The following ZNRF1 variants were observed in gnomAD, a reference collection of about 807,000 sequenced individuals.
The protein encoded by ZNRF1 is zinc and ring finger 1, also known as E3 ubiquitin-protein ligase ZNRF1.
Under a neutral mutation model 18.4 loss-of-function variants are expected in ZNRF1, and 3 were observed. That is an observed-to-expected ratio of 0.16 (90% CI 0.07 to 0.42). ZNRF1 has a LOEUF of 0.42. Among genes scored for constraint, ZNRF1 ranks in the 10% least tolerant of loss-of-function variants. The probability of loss-of-function intolerance (pLI) is 0.99; values close to 1 mark genes in which losing one functional copy is unlikely to be tolerated. For missense variants in ZNRF1, 310 were observed against 329.8 expected (o/e 0.94, Z 0.47); for synonymous variants, 157 against 144.2 (o/e 1.09, Z -0.64).
intron 2 of ZNRF1, among the ~76,000 whole-genome samples, chr16:75,098,489 G>A (rs1597909529): frequency 6.6e-6 from 1 of 152,222 alleles, no homozygotes; most frequent in East Asian, 1.9e-4. Context: ...CTCTGCTCAA[G>A]GTCACCCTGT....
chr16:75,093,548 T>C (rs1300870218), intron 1 of ZNRF1, 24 bp from the exon 2 acceptor site: 1 of 1,585,874 alleles, frequency 6.3e-7, no homozygotes, highest in African/African-American at 1.3e-5. Flanking sequence ...AGAAAACATT[T>C]CATCCCATTC....
rs146902791 is a variant in ZNRF1, at chr16:75,073,146, C to CTCTCTCTCTCTCTCTCTG, written c.425-20419_425-20418insCTCTCTCTCTGTCTCTCT. On this transcript the variant is annotated intron_variant, in intron 1 of 4. Coordinates refer to ENST00000335325, the MANE Select transcript of ZNRF1 (RefSeq NM_032268.5). The stretch of plus-strand genomic sequence containing the variant: ...TCTCTCTCTCTCTCTCTCTCTCTCT[C>CTCTCTCTCTCTCTCTCTG]TCTCTCTGTCTCTCTGTCTATATAT... Among the ~76,000 whole-genome samples, 144 of 128,718 alleles carry CTCTCTCTCTCTCTCTCTG rather than the reference C, an allele frequency of 1.1e-3. 1 individual carries two copies. Among genetic ancestry groups the CTCTCTCTCTCTCTCTCTG allele is most frequent in the Admixed American group, 2.2e-3 (27 of 12,364 alleles). 84.4% of individuals were successfully genotyped at this position (128,718 alleles called of 152,430 possible).
chr16:75,061,566 C>A (rs1446722254), intron 1 of ZNRF1, among the ~76,000 whole-genome samples: 2 of 150,456 alleles, frequency 1.3e-5, no homozygotes, highest in African/African-American at 4.9e-5. Context: ...CTGGATCTCA[C>A]TCGTTTTTAT....
intron 1 of ZNRF1, among the ~76,000 whole-genome samples, chr16:75,012,156 C>T (rs1488301568): frequency 1.3e-5 from 2 of 152,186 alleles, no homozygotes; most frequent in African/African-American, 4.8e-5. Flanking sequence ...TGGTGCTTTC[C>T]ATGCTGACAC....
At chr16:75,037,573 A>G (rs2035391832) in intron 1 of ZNRF1, among the ~76,000 whole-genome samples, 2 of 152,132 alleles carry the variant, frequency 1.3e-5, no homozygotes, top group Non-Finnish European at 2.9e-5. Flanking sequence ...TCCTGACCTC[A>G]GGTGATCTGC....
intron 1 of ZNRF1, among the ~76,000 whole-genome samples, chr16:75,012,066 G>C (rs563612391): frequency 8.5e-5 from 13 of 152,214 alleles, no homozygotes; most frequent in Non-Finnish European, 1.8e-4. Context: ...TTTGGTAGCT[G>C]TTGGGGGAGG....
intron 1 of ZNRF1, among the ~76,000 whole-genome samples, chr16:75,026,892 G>T (rs1351235470): frequency 6.9e-6 from 1 of 144,916 alleles, no homozygotes; most frequent in African/African-American, 2.6e-5. Context: ...GCAACAGAAT[G>T]AGACTGTCTC....
intron 1 of ZNRF1, among the ~76,000 whole-genome samples, chr16:75,058,123 A>T (rs4531753): frequency 0.022 from 2,868 of 132,114 alleles, 48 homozygotes; most frequent in Non-Finnish European, 0.033. Context: ...TTTTTTTTTT[A>T]AATATTTTAT....
At chr16:75,098,559 G>A (rs985312105) in intron 2 of ZNRF1, among the ~76,000 whole-genome samples, 5 of 152,344 alleles carry the variant, frequency 3.3e-5, no homozygotes, top group South Asian at 2.1e-4. Flanking sequence ...GCCTGGCATG[G>A]GTGGCACTGC....
chr16:75,045,324 G>C lies in ZNRF1; in HGVS notation c.424+45229G>C, dbSNP rs117964037. Among the ~76,000 whole-genome samples the C allele has an allele frequency of 8.0e-3, 1,211 of 152,224 alleles. 7 individuals carry two copies. Among genetic ancestry groups the C allele is most frequent in the Admixed American group, 0.014 (215 of 15,278 alleles). On this transcript the variant is annotated intron_variant, in intron 1 of 4. Transcript: ENST00000335325. Reference sequence around the variant, plus strand: ...TTTTGCATTTGCATTATGGTTTTTTGTTAGGTGCTCTTGACCATTTTTTTT... The same window carrying C: ...TTTTGCATTTGCATTATGGTTTTTTCTTAGGTGCTCTTGACCATTTTTTTT...
chr16:75,090,991 T>A (rs753889232), intron 1 of ZNRF1, among the ~76,000 whole-genome samples: 7 of 152,128 alleles, frequency 4.6e-5, no homozygotes, highest in Non-Finnish European at 1.0e-4. Context: ...GCTCAAGTGA[T>A]TTCCCCACCT....
intron 1 of ZNRF1, among the ~76,000 whole-genome samples, chr16:75,025,985 C>G (rs948312727): frequency 6.6e-6 from 1 of 152,114 alleles, no homozygotes; most frequent in South Asian, 2.1e-4. Flanking sequence ...CAACAGAAAC[C>G]GTTAAATAGG....
chr16:75,012,155 C>G (rs1482071062), intron 1 of ZNRF1, among the ~76,000 whole-genome samples: 1 of 152,178 alleles, frequency 6.6e-6, no homozygotes, highest in East Asian at 1.9e-4. Context: ...CTGGTGCTTT[C>G]CATGCTGACA....
chr16:75,026,433 G>A (rs1051554301), intron 1 of ZNRF1, among the ~76,000 whole-genome samples: 1 of 152,036 alleles, frequency 6.6e-6, no homozygotes, highest in African/African-American at 2.4e-5. Context: ...TGGATGACGT[G>A]TCATTTCCTT....
chr16:75,097,080 G>C (rs2036209050), intron 2 of ZNRF1, among the ~76,000 whole-genome samples: 1 of 152,146 alleles, frequency 6.6e-6, no homozygotes, highest in Non-Finnish European at 1.5e-5. Context: ...TCGTTGGTTT[G>C]TTTTTGTGGG....
chr16:75,057,912 G>A (rs964370699), intron 1 of ZNRF1, among the ~76,000 whole-genome samples: 4 of 152,276 alleles, frequency 2.6e-5, no homozygotes, highest in African/African-American at 7.2e-5. Flanking sequence ...AAGTGCTGGG[G>A]TTTACAGGCG....
chr16:75,083,143 C>A (rs2036034882), intron 1 of ZNRF1, among the ~76,000 whole-genome samples: 2 of 152,174 alleles, frequency 1.3e-5, no homozygotes. Context: ...GTAAGTTCAA[C>A]TCATTTTTCA....
chr16:75,035,056 T>C (rs1193184131), intron 1 of ZNRF1, among the ~76,000 whole-genome samples: 1 of 152,200 alleles, frequency 6.6e-6, no homozygotes, highest in Non-Finnish European at 1.5e-5. Flanking sequence ...CCATTTTACA[T>C]TCTTACTAAC....
chr16:75,003,873 CA>C (rs1164279152), intron 1 of ZNRF1, among the ~76,000 whole-genome samples: 7 of 152,058 alleles, frequency 4.6e-5, no homozygotes, highest in Non-Finnish European at 1.0e-4. Context: ...ATAATGTGCA[CA>C]AAAGTCAAAG....
Sources: gnomAD v4.1 joint callset for allele counts (sites outside exome capture counted in the v4.1 genomes callset) on GRCh38, gnomAD v4.1.1 for gene constraint, MANE v1.5 for transcripts, NCBI Gene and HGNC (gene_info 2026-07-23, HGNC 2026-07-21) for gene names.